The following DNAJC6 variants were observed in gnomAD, a reference collection of about 807,000 sequenced individuals.
The protein encoded by DNAJC6 is auxilin.
In DNAJC6, 34 loss-of-function variants were observed where a neutral mutation model predicts 110.0. The observed-to-expected ratio is 0.31, with a 90% CI of 0.24 to 0.41. The LOEUF is 0.41. Ranked by LOEUF, DNAJC6 falls within the 10% of genes least tolerant of loss-of-function variation. DNAJC6 has a pLI of 1.00. For missense variants in DNAJC6, 1,031 were observed against 1,207.8 expected, an observed-to-expected ratio of 0.85 and a Z score of 2.17; for synonymous variants, 406 against 437.2, an observed-to-expected ratio of 0.93 and a Z score of 0.89.
chr1:65,384,580 A>G (rs967677214), intron 6 of DNAJC6, among the ~76,000 whole-genome samples: 1 of 152,214 alleles, frequency 6.6e-6, no homozygotes, highest in Non-Finnish European at 1.5e-5. Context: ...GCAAAGGCAC[A>G]TCTTACATGG....
At chr1:65,323,813 C>T (rs947988101) in intron 1 of DNAJC6, among the ~76,000 whole-genome samples, 3 of 152,072 alleles carry the variant, frequency 2.0e-5, no homozygotes, top group African/African-American at 7.2e-5. Flanking sequence ...TTGGTCTCAA[C>T]CTCCTGGGCT....
chr1:65,328,812 T>C (rs1342945921), intron 1 of DNAJC6, among the ~76,000 whole-genome samples: 2 of 152,202 alleles, frequency 1.3e-5, no homozygotes, highest in Non-Finnish European at 2.9e-5. Context: ...GGAGGCATTT[T>C]ATAATTCTCC....
intron 18 of DNAJC6, among the ~76,000 whole-genome samples, chr1:65,411,717 C>T (rs1646130578): frequency 8.1e-6 from 1 of 123,670 alleles, no homozygotes; most frequent in African/African-American, 3.2e-5. Flanking sequence ...GCCTGTAATC[C>T]CAGCACTTTG....
chr1:65,382,206 C>T (rs1049541348), intron 5 of DNAJC6, among the ~76,000 whole-genome samples: 3 of 152,192 alleles, frequency 2.0e-5, no homozygotes, highest in African/African-American at 7.2e-5. Context: ...ATCAAACCAA[C>T]AGAACATTTC....
chr1:65,379,608 T>C, intron 5 of DNAJC6, 84 bp downstream of exon 5: 1 of 1,529,886 alleles, frequency 6.5e-7, no homozygotes, highest in South Asian at 1.3e-5. Context: ...ACAGGTAACA[T>C]TTGAGTTCAA....
intron 15 of DNAJC6, among the ~76,000 whole-genome samples, chr1:65,402,392 C>T (rs1646038918): frequency 6.6e-6 from 1 of 152,164 alleles, no homozygotes; most frequent in African/African-American, 2.4e-5. Context: ...AGAATATTTT[C>T]ACCATATGTT....
At chr1:65,398,744 C>T in intron 13 of DNAJC6, 69 bp from the exon 14 acceptor site, 2 of 1,530,294 alleles carry the variant, frequency 1.3e-6, no homozygotes, top group South Asian at 2.3e-5. Flanking sequence ...TGGCATTATC[C>T]TGTGTGAACT....
At position 65,321,878 on chromosome 1, in the gene DNAJC6, C is replaced by A. The variant is rs115272731; in HGVS notation, c.193+11940C>A. Reference sequence around the variant, plus strand: ...ATATATCAGCTACTTTAGGAAGAGACAAGCTGGAGGGATAGGACAGGAAAA... The same window carrying A: ...ATATATCAGCTACTTTAGGAAGAGAAAAGCTGGAGGGATAGGACAGGAAAA... On this transcript the variant is annotated intron_variant, in intron 1 of 18. Transcript: ENST00000371069. Among the ~76,000 whole-genome samples the A allele has an allele frequency of 5.1e-3, 783 of 152,296 alleles. 7 individuals are homozygous for A. The highest frequency in any genetic ancestry group is 0.018 in the African/African-American group (746 of 41,562).
At chr1:65,336,575 T>C (rs1234373990) in intron 1 of DNAJC6, among the ~76,000 whole-genome samples, 1 of 152,232 alleles carries the variant, frequency 6.6e-6, no homozygotes, top group East Asian at 1.9e-4. Flanking sequence ...AGCAATTTCA[T>C]TTTTTCTAAA....
chr1:65,379,325 T>G (rs1196853622), intron 4 of DNAJC6, 77 bp from the exon 5 acceptor site: 3 of 1,557,888 alleles, frequency 1.9e-6, no homozygotes, highest in Admixed American at 3.5e-5. Context: ...TTCCAGAAGA[T>G]GTTGGTTGGT....
At chr1:65,379,580 G>A in intron 5 of DNAJC6, 56 bp downstream of exon 5, 1 of 1,599,166 alleles carries the variant, frequency 6.3e-7, no homozygotes, top group Non-Finnish European at 8.5e-7. Context: ...ATATGGATGA[G>A]CCTGTACACA....
At chr1:65,408,573 G>A in intron 16 of DNAJC6, 68 bp from the exon 17 acceptor site, 1 of 1,545,302 alleles carries the variant, frequency 6.5e-7, no homozygotes, top group African/African-American at 1.4e-5. Context: ...TCCAGATGCT[G>A]TGAGATAATG....
intron 5 of DNAJC6, among the ~76,000 whole-genome samples, chr1:65,382,633 A>G (rs1012113127): frequency 6.6e-6 from 1 of 152,220 alleles, no homozygotes; most frequent in African/African-American, 2.4e-5. Flanking sequence ...TCTGGAAAAA[A>G]TCTAGGGGTT....
At position 65,283,038 on chromosome 1, in the gene DNAJC6, T is replaced by A. The variant is rs140998884; in HGVS notation, c.-131+18106T>A. 1.4e-3 allele frequency among the ~76,000 whole-genome samples: 207 copies of A among 152,336 alleles called. 2 individuals carry two copies. Among genetic ancestry groups the A allele is most frequent in the African/African-American group, 4.8e-3 (201 of 41,574 alleles). On this transcript the variant is annotated intron_variant, in intron 1 of 19. Coordinates refer to the DNAJC6 transcript ENST00000263441. The stretch of plus-strand genomic sequence containing the variant: ...CAAAGAAATGTACAATGATATCCTA[T>A]GCATCCTTCATCCTCTAGCCTCCCT...
At chr1:65,305,759 G>A (rs1479810801), upstream of DNAJC6, among the ~76,000 whole-genome samples, 1 of 87,552 alleles carries the variant, frequency 1.1e-5, no homozygotes, top group Non-Finnish European at 2.3e-5. Flanking sequence ...CTGCTTTTAT[G>A]TTATCATAGT....
chr1:65,355,002 C>T (rs759829212), intron 1 of DNAJC6, among the ~76,000 whole-genome samples: 3 of 152,000 alleles, frequency 2.0e-5, no homozygotes, highest in Non-Finnish European at 2.9e-5. Context: ...TCTGGTTGGG[C>T]GTAGTGGCTG....
chr1:65,363,371 A>G (rs1045237576), intron 1 of DNAJC6, among the ~76,000 whole-genome samples: 1 of 152,102 alleles, frequency 6.6e-6, no homozygotes, highest in Admixed American at 6.5e-5. Context: ...ACAGTCTCCA[A>G]CCTTGCTGAT....
intron 1 of DNAJC6, among the ~76,000 whole-genome samples, chr1:65,338,558 A>C (rs1645359421): frequency 1.3e-5 from 2 of 152,152 alleles, no homozygotes; most frequent in Admixed American, 1.3e-4. Flanking sequence ...TAGAATATTT[A>C]CATAGTTTCA....
At position 65,299,181 on chromosome 1, in the gene DNAJC6, T is replaced by G. The variant is rs556606361; in HGVS notation, c.-131+34249T>G. 2.6e-5 allele frequency among the ~76,000 whole-genome samples: 4 copies of G among 152,372 alleles called. No individual in the cohort carries two copies. The South Asian group carries it at 8.3e-4, about 32-fold the overall frequency. On this transcript the variant is annotated intron_variant, in intron 1 of 19. Coordinates refer to the DNAJC6 transcript ENST00000263441. ...AATAATAAAATAAAAATACCCCCAC[T>G]TATTACCTAAGTTTTCTTTTAGCAC...
Sources: gnomAD v4.1 joint callset for allele counts (sites outside exome capture counted in the v4.1 genomes callset) on GRCh38, gnomAD v4.1.1 for gene constraint, MANE v1.5 for transcripts, NCBI Gene and HGNC (gene_info 2026-07-23, HGNC 2026-07-21) for gene names.